The following ATP8A1 variants were observed in gnomAD, a reference collection of about 807,000 sequenced individuals.
ATP8A1 encodes ATPase phospholipid transporting 8A1.
ATP8A1 carries 90 observed loss-of-function variants against 177.7 expected under a neutral mutation model. The observed-to-expected ratio is 0.51, with a 90% CI of 0.43 to 0.60. ATP8A1 has a LOEUF of 0.60. ATP8A1 is among the 20% of genes least tolerant of loss of function. The pLI, the probability that ATP8A1 is intolerant of heterozygous loss-of-function variation, is 0.00. For missense variants in ATP8A1, 1,072 were observed against 1,392.8 expected (o/e 0.77, Z 3.67); for synonymous variants, 493 against 485.9 (o/e 1.01, Z -0.19).
chr4:42,588,802 A>C (rs1178417755), intron 7 of ATP8A1, among the ~76,000 whole-genome samples: 3 of 152,194 alleles, frequency 2.0e-5, no homozygotes, highest in African/African-American at 7.2e-5. Context: ...TGCATTTACT[A>C]CCCTTTTAGC....
At chr4:42,553,603 T>C (rs1286723843) in intron 16 of ATP8A1, among the ~76,000 whole-genome samples, 1 of 151,910 alleles carries the variant, frequency 6.6e-6, no homozygotes, top group South Asian at 2.1e-4. Context: ...AGGAAAAACA[T>C]TTCTCTATGC....
chr4:42,441,993 C>T (rs1003887854), intron 33 of ATP8A1, among the ~76,000 whole-genome samples: 23 of 152,056 alleles, frequency 1.5e-4, no homozygotes, highest in Non-Finnish European at 4.4e-5. Context: ...TCTCAAGAGA[C>T]GATATTAAGT....
intron 24 of ATP8A1, among the ~76,000 whole-genome samples, chr4:42,496,223 A>C (rs375694128): frequency 6.6e-6 from 1 of 152,228 alleles, no homozygotes; most frequent in Non-Finnish European, 1.5e-5. Context: ...GGGTGGGGAC[A>C]TGTAGCAAAG....
intron 33 of ATP8A1, among the ~76,000 whole-genome samples, chr4:42,435,436 AAAAAAAAAAAAAAC>A (rs1164078667): frequency 4.4e-4 from 34 of 77,786 alleles, no homozygotes; most frequent in African/African-American, 1.6e-3. Context: ...CAAAAAAAAA[AAAAAAAAAAAAAAC>A]AAAAAAAAAA....
At chr4:42,441,659 A>T (rs1716659306) in intron 33 of ATP8A1, among the ~76,000 whole-genome samples, 1 of 152,106 alleles carries the variant, frequency 6.6e-6, no homozygotes, top group South Asian at 2.1e-4. Flanking sequence ...ACACACACCC[A>T]CATCCCACCA....
At chr4:42,456,408 T>C (rs1315644588) in intron 27 of ATP8A1, among the ~76,000 whole-genome samples, 1 of 152,148 alleles carries the variant, frequency 6.6e-6, no homozygotes, top group African/African-American at 2.4e-5. Flanking sequence ...TGAGTTTATA[T>C]ATTAAAATAT....
Position 42,464,960 on chromosome 4 carries a change from A to G in ATP8A1, c.2441T>C (p.Val814Ala), listed in dbSNP as rs1044887319. The G allele has an allele frequency of 6.2e-7, 1 of 1,614,072 alleles. No individual in the cohort carries two copies. Among genetic ancestry groups the G allele is most frequent in the Non-Finnish European group, 8.5e-7 (1 of 1,180,028 alleles). ...TTCATTGCCACTGATACCAACACCAACGTGCGCTGTCTGTATCATGCTGAC... is the reference window on the plus strand; with the variant it reads ...TTCATTGCCACTGATACCAACACCAGCGTGCGCTGTCTGTATCATGCTGAC... Reference protein sequence around the residue: ...NDVSMIQTAHVGVGISGNEGL... With the variant: ...NDVSMIQTAHAGVGISGNEGL... Residue 814 changes from valine to alanine, a missense_variant, in exon 26 of 37, where the codon GTT (valine) becomes GCT (alanine). Val to Ala is a moderately conservative substitution (Grantham distance 64). Coordinates refer to ENST00000381668, the MANE Select transcript of ATP8A1 (RefSeq NM_006095.2).
At chr4:42,517,286 C>G (rs1348629731) in intron 22 of ATP8A1, among the ~76,000 whole-genome samples, 1 of 104,496 alleles carries the variant, frequency 9.6e-6, no homozygotes, top group African/African-American at 3.7e-5. Flanking sequence ...AGTGAGACTC[C>G]GTCTCAAAAA....
At chr4:42,642,263 A>T (rs1293511926) in intron 1 of ATP8A1, among the ~76,000 whole-genome samples, 1 of 152,106 alleles carries the variant, frequency 6.6e-6, no homozygotes, top group Non-Finnish European at 1.5e-5. Flanking sequence ...AAAAGAGGAA[A>T]CCCACAAAAG....
intron 7 of ATP8A1, among the ~76,000 whole-genome samples, chr4:42,590,469 C>T (rs530368035): frequency 3.9e-5 from 6 of 152,092 alleles, no homozygotes; most frequent in South Asian, 2.1e-4. Flanking sequence ...AATAATATCC[C>T]GGAGAGATAA....
At chr4:42,451,013 C>T (rs976939166) in intron 30 of ATP8A1, among the ~76,000 whole-genome samples, 1 of 152,016 alleles carries the variant, frequency 6.6e-6, no homozygotes, top group South Asian at 2.1e-4. Context: ...CCTGAGGCAT[C>T]GGAGGGGAGA....
At chr4:42,551,144 G>T in intron 18 of ATP8A1, 54 bp downstream of exon 18, 2 of 1,401,096 alleles carry the variant, frequency 1.4e-6, no homozygotes, top group Non-Finnish European at 2.0e-6. Flanking sequence ...TATCTTTGAA[G>T]CTATGCAAAT....
intron 24 of ATP8A1, among the ~76,000 whole-genome samples, chr4:42,501,371 G>A (rs1723839768): frequency 6.6e-6 from 1 of 152,194 alleles, no homozygotes; most frequent in Non-Finnish European, 1.5e-5. Flanking sequence ...TTTGTAGGCA[G>A]CAGAACTGGC....
intron 36 of ATP8A1, 39 bp from the exon 37 acceptor site, chr4:42,413,052 A>T: frequency 6.5e-7 from 1 of 1,533,044 alleles, no homozygotes. Flanking sequence ...TCACAAAGGC[A>T]CTGGAAACCA....
chr4:42,541,414 T>C (rs1053680682), intron 20 of ATP8A1, among the ~76,000 whole-genome samples: 6 of 152,204 alleles, frequency 3.9e-5, no homozygotes, highest in African/African-American at 1.4e-4. Context: ...CTCTCATTAA[T>C]TGCTAATGGG....
chr4:42,487,050 A>C (rs1005878574), intron 24 of ATP8A1, among the ~76,000 whole-genome samples: 7 of 152,204 alleles, frequency 4.6e-5, no homozygotes, highest in African/African-American at 1.7e-4. Context: ...CCTAGTAACT[A>C]AGAGGAGGAA....
At chr4:42,615,289 G>C (rs1736790546) in intron 5 of ATP8A1, among the ~76,000 whole-genome samples, 1 of 152,098 alleles carries the variant, frequency 6.6e-6, no homozygotes, top group Admixed American at 6.6e-5. Flanking sequence ...GGACTCCATA[G>C]AAATATCAGC....
intron 33 of ATP8A1, among the ~76,000 whole-genome samples, chr4:42,440,157 C>G (rs1716462131): frequency 6.6e-6 from 1 of 152,156 alleles, no homozygotes; most frequent in African/African-American, 2.4e-5. Flanking sequence ...TGGCTCTGCC[C>G]TCAAACTGTA....
At chr4:42,534,602 G>C (rs948251171) in intron 20 of ATP8A1, among the ~76,000 whole-genome samples, 1 of 152,168 alleles carries the variant, frequency 6.6e-6, no homozygotes, top group South Asian at 2.1e-4. Context: ...GAATCATCGA[G>C]GAAAATTTCC....
Sources: allele counts gnomAD v4.1 joint callset (sites outside exome capture counted in the v4.1 genomes callset), GRCh38; gene constraint gnomAD v4.1.1; transcripts MANE v1.5; gene names NCBI Gene and HGNC (gene_info 2026-07-23, HGNC 2026-07-21).